Variants in DSCAM observed in about 807,000 individuals in gnomAD.
DSCAM encodes the protein cell adhesion molecule DSCAM.
A neutral mutation model predicts 217.7 loss-of-function variants in DSCAM; 47 were observed. The observed-to-expected ratio is 0.22, with a 90% CI of 0.17 to 0.28. The LOEUF (loss-of-function observed/expected upper bound fraction) is 0.28. Among genes scored for constraint, DSCAM ranks in the 10% least tolerant of loss-of-function variants. The probability of loss-of-function intolerance (pLI) is 1.00; values close to 1 mark genes in which losing one functional copy is unlikely to be tolerated. For missense variants in DSCAM, 2,080 were observed against 2,618.3 expected (o/e 0.79, Z 4.49); for synonymous variants, 1,056 against 1,015.3 (o/e 1.04, Z -0.76).
chr21:40,220,294 G>A (rs967282165), intron 11 of DSCAM, among the ~76,000 whole-genome samples: 1 of 152,106 alleles, frequency 6.6e-6, no homozygotes, highest in Non-Finnish European at 1.5e-5. Flanking sequence ...ATTTCCAAAC[G>A]TAGCCAAGTC....
intron 5 of DSCAM, among the ~76,000 whole-genome samples, chr21:40,352,895 A>G (rs1051650457): frequency 6.6e-6 from 1 of 152,186 alleles, no homozygotes; most frequent in African/African-American, 2.4e-5. Flanking sequence ...AAGGCAGCCA[A>G]GGCAATCAAT....
intron 3 of DSCAM, among the ~76,000 whole-genome samples, chr21:40,553,513 A>G (rs969827984): frequency 1.3e-5 from 2 of 152,258 alleles, no homozygotes; most frequent in Admixed American, 6.5e-5. Context: ...CTGCATTACA[A>G]TGTATAATGT....
intron 1 of DSCAM, among the ~76,000 whole-genome samples, chr21:40,719,218 C>A (rs1356926800): frequency 6.6e-6 from 1 of 152,088 alleles, no homozygotes; most frequent in Non-Finnish European, 1.5e-5. Flanking sequence ...TGCTTCAATG[C>A]CACTGGTCAT....
chr21:40,431,635 T>C (rs1369834466), intron 3 of DSCAM, among the ~76,000 whole-genome samples: 2 of 152,262 alleles, frequency 1.3e-5, no homozygotes, highest in Non-Finnish European at 2.9e-5. Flanking sequence ...TGTTCATTTC[T>C]CAAGATTATT....
intron 11 of DSCAM, among the ~76,000 whole-genome samples, chr21:40,254,485 A>T (rs188954413): frequency 1.2e-3 from 178 of 152,340 alleles, no homozygotes; most frequent in African/African-American, 3.9e-3. Flanking sequence ...GGCAATACGA[A>T]TGCATCTGAT....
intron 3 of DSCAM, among the ~76,000 whole-genome samples, chr21:40,566,954 A>C (rs2076769474): frequency 6.6e-6 from 1 of 152,054 alleles, no homozygotes; most frequent in Admixed American, 6.6e-5. Context: ...CGTAAGCACA[A>C]GCATCCTTTC....
chr21:40,817,810 C>T (rs2091892576), intron 1 of DSCAM, among the ~76,000 whole-genome samples: 1 of 152,122 alleles, frequency 6.6e-6, no homozygotes, highest in South Asian at 2.1e-4. Flanking sequence ...CAAGAAGCTC[C>T]CGGTGGCCGG....
At position 40,296,173 on chromosome 21, in the gene DSCAM, A is replaced by C. The variant is rs1397363325; in HGVS notation, c.2064T>G (p.Val688=). The C allele has an allele frequency of 6.2e-7, 1 of 1,613,898 alleles. No homozygotes were observed. The highest frequency in any genetic ancestry group is 8.5e-7 in the Non-Finnish European group (1 of 1,179,910). The change falls in exon 10 of 33, where the codon GTT becomes GTG. Residue 688 remains valine (V), a splice_region_variant and synonymous_variant. Transcript: ENST00000400454. ...VEHQSQLIVR[V]PPKFVVQPRD... is the part of the protein sequence containing the mutation. ...GTGGCTGAACCACAAACTTGGGAGG[A>C]ACTGAAAAGAGAGAAATGTCACCAG...
chr21:40,416,890 A>C (rs1351075287), intron 3 of DSCAM, among the ~76,000 whole-genome samples: 1 of 152,184 alleles, frequency 6.6e-6, no homozygotes, highest in African/African-American at 2.4e-5. Flanking sequence ...TGAACATTTC[A>C]TGCCCCCCAA....
In DSCAM at chr21:40,189,118, C is replaced by T. The variant is rs199952049; in HGVS notation, c.2477G>A (p.Arg826Gln). ...ACGGGCCATCTCAGGGTTAATGATT[C>T]GGTCCTCCTTCTCCCAGCGGACTAT... ...PIIVRWEKED[R>Q]IINPEMARYL... Residue 826 changes from arginine to glutamine, a missense_variant, in exon 12 of 33, where the codon CGA becomes CAA. Around this residue, in one of 5 missense-constraint regions of DSCAM, gnomAD observed 1,144 missense variants for 1,421.1 expected, o/e 0.81. Transcript: ENST00000400454. 3.6e-4 allele frequency: 585 copies of T among 1,614,152 alleles called. 1 individual carries two copies. Among genetic ancestry groups the T allele is most frequent in the South Asian group, 2.4e-3 (220 of 91,080 alleles).
chr21:40,646,631 T>C (rs898122698), intron 3 of DSCAM, among the ~76,000 whole-genome samples: 4 of 152,176 alleles, frequency 2.6e-5, no homozygotes, highest in Non-Finnish European at 4.4e-5. Flanking sequence ...ACATGAAGCA[T>C]GTAAAAGCGA....
intron 8 of DSCAM, among the ~76,000 whole-genome samples, chr21:40,312,629 A>G (rs1336247535): frequency 6.6e-6 from 1 of 152,222 alleles, no homozygotes; most frequent in African/African-American, 2.4e-5. Context: ...AACATTTCAG[A>G]CTATATCTGT....
At chr21:40,132,569 A>G (rs556866277) in intron 19 of DSCAM, among the ~76,000 whole-genome samples, 3 of 152,334 alleles carry the variant, frequency 2.0e-5, no homozygotes, top group African/African-American at 7.2e-5. Flanking sequence ...TTAGAAAAAA[A>G]CTAAAGCAAA....
intron 10 of DSCAM, among the ~76,000 whole-genome samples, chr21:40,295,022 T>C (rs775891627): frequency 3.9e-5 from 6 of 152,182 alleles, no homozygotes; most frequent in African/African-American, 1.2e-4. Flanking sequence ...TTGCAACAAA[T>C]GTACCATTTA....
At chr21:40,238,854 A>G (rs1482801243) in intron 11 of DSCAM, among the ~76,000 whole-genome samples, 1 of 152,162 alleles carries the variant, frequency 6.6e-6, no homozygotes, top group East Asian at 1.9e-4. Flanking sequence ...GGTGAGAATG[A>G]CTGTGCCCTT....
intron 20 of DSCAM, among the ~76,000 whole-genome samples, chr21:40,105,297 T>C (rs2089804276): frequency 6.6e-6 from 1 of 151,962 alleles, no homozygotes; most frequent in African/African-American, 2.4e-5. Context: ...AACAGAAAGA[T>C]TGAGTAGTTA....
chr21:40,044,233 C>A lies in DSCAM; in HGVS notation c.5228G>T (p.Arg1743Ile). Residue 1743 changes from arginine to isoleucine, a missense_variant, in exon 31 of 33, where the codon AGA becomes ATA. Transcript: ENST00000400454. Reference protein sequence around the residue: ...RRNAKAGPTARNRYASQWTLN... With the variant: ...RRNAKAGPTAINRYASQWTLN... ...GGTCCACTGGCTGGCATAGCGGTTTCTCGCTGTGGGCCCAGCCTTGGCATT... is the reference window on the plus strand; with the variant it reads ...GGTCCACTGGCTGGCATAGCGGTTTATCGCTGTGGGCCCAGCCTTGGCATT... The A allele has an allele frequency of 6.2e-7, 1 of 1,614,156 alleles. No individual in the cohort carries two copies. The highest frequency in any genetic ancestry group is 8.5e-7 in the Non-Finnish European group (1 of 1,180,024).
intron 8 of DSCAM, among the ~76,000 whole-genome samples, chr21:40,335,097 T>C (rs907642265): frequency 1.3e-5 from 2 of 152,056 alleles, no homozygotes; most frequent in Admixed American, 6.6e-5. Flanking sequence ...GGATGTCCCT[T>C]CCCCAGGTAT....
chr21:40,662,752 AAGG>A (rs911969038), intron 3 of DSCAM, among the ~76,000 whole-genome samples: 3 of 151,532 alleles, frequency 2.0e-5, no homozygotes, highest in South Asian at 2.1e-4. Context: ...GCAAAGAAAG[AAGG>A]AGAAGTCGGC....
Sources: allele counts gnomAD v4.1 joint callset (sites outside exome capture counted in the v4.1 genomes callset), GRCh38; gene constraint gnomAD v4.1.1; regional missense constraint gnomAD v4.1.1; transcripts MANE v1.5; gene names NCBI Gene and HGNC (gene_info 2026-07-23, HGNC 2026-07-21).